The following NAV2 variants were observed in gnomAD, a reference collection of about 807,000 sequenced individuals.
The protein encoded by NAV2 is neuron navigator 2.
In NAV2, 54 loss-of-function variants were observed where a neutral mutation model predicts 223.2. The observed-to-expected ratio is 0.24, with a 90% CI of 0.19 to 0.30. NAV2 has a LOEUF of 0.30. Ranked by LOEUF, NAV2 falls within the 10% of genes least tolerant of loss-of-function variation. The pLI, the probability that NAV2 is intolerant of heterozygous loss-of-function variation, is 1.00. For missense variants in NAV2, 2,806 were observed against 3,147.5 expected, an observed-to-expected ratio of 0.89 and a Z score of 2.60; for synonymous variants, 1,279 against 1,239.3, an observed-to-expected ratio of 1.03 and a Z score of -0.67.
chr11:19,742,128 A>T (rs1432245492), intron 1 of NAV2, among the ~76,000 whole-genome samples: 6 of 152,102 alleles, frequency 3.9e-5, no homozygotes, highest in Non-Finnish European at 7.3e-5. Flanking sequence ...CTTGTCATAC[A>T]CCTGTTCTCC....
At chr11:19,407,665 TC>T in intron 1 of NAV2, among the ~76,000 whole-genome samples, 1 of 152,222 alleles carries the variant, frequency 6.6e-6, no homozygotes, top group East Asian at 1.9e-4. Flanking sequence ...GGACTTGTAT[TC>T]TTTAGAGAAT....
intron 1 of NAV2, among the ~76,000 whole-genome samples, chr11:19,682,380 A>G (rs956934436): frequency 6.6e-6 from 1 of 152,218 alleles, no homozygotes; most frequent in African/African-American, 2.4e-5. Context: ...AGAAGTTCGT[A>G]AACTGCCCAG....
rs1212734261 is a variant in NAV2 at position 19,712,846 on chromosome 11, T to C, written c.-850T>C. Among the ~76,000 whole-genome samples, 3 of 151,152 alleles carry C rather than the reference T, an allele frequency of 2.0e-5. No individual in the cohort carries two copies. Among genetic ancestry groups the C allele is most frequent in the African/African-American group, 7.3e-5 (3 of 41,280 alleles). On this transcript the variant is annotated 5_prime_UTR_variant, in exon 1 of 38. Coordinates refer to ENST00000349880, the MANE Select transcript of NAV2 (RefSeq NM_145117.5). ...GCGCCGGCAGCAGCCTGTCCTCCCC[T>C]GCGCTGAGCCCCGCAGCCAGCGCAG...
intron 1 of NAV2, among the ~76,000 whole-genome samples, chr11:19,378,303 T>C (rs975101059): frequency 6.6e-6 from 1 of 152,116 alleles, no homozygotes; most frequent in Non-Finnish European, 1.5e-5. Flanking sequence ...TCACGTCCAG[T>C]CGTCACCACC....
chr11:19,382,017 C>T (rs543315687), intron 1 of NAV2, among the ~76,000 whole-genome samples: 9 of 152,284 alleles, frequency 5.9e-5, no homozygotes, highest in African/African-American at 2.2e-4. Context: ...TCACTGGGGC[C>T]ATCACCACCT....
At chr11:19,553,310 T>A (rs1443645436) in intron 1 of NAV2, among the ~76,000 whole-genome samples, 2 of 152,220 alleles carry the variant, frequency 1.3e-5, no homozygotes, top group East Asian at 1.9e-4. Flanking sequence ...TTCTCACTTG[T>A]TAATTTCATC....
chr11:19,956,338 A>T (rs1008199085), intron 10 of NAV2, among the ~76,000 whole-genome samples: 1 of 151,668 alleles, frequency 6.6e-6, no homozygotes, highest in South Asian at 2.1e-4. Context: ...GCTCAGTTCC[A>T]CAAGATTACC....
At chr11:19,628,401 G>A (rs1017672876) in intron 1 of NAV2, among the ~76,000 whole-genome samples, 2 of 152,210 alleles carry the variant, frequency 1.3e-5, no homozygotes, top group Admixed American at 6.5e-5. Flanking sequence ...CAGAGGTGCC[G>A]GCCTGCCTCA....
chr11:19,649,251 G>A (rs2047899183), intron 1 of NAV2, among the ~76,000 whole-genome samples: 1 of 152,190 alleles, frequency 6.6e-6, no homozygotes, highest in Non-Finnish European at 1.5e-5. Context: ...CATCTGGTTA[G>A]TGGGCTAACA....
At chr11:19,436,542 A>T (rs1296416064) in intron 1 of NAV2, among the ~76,000 whole-genome samples, 1 of 152,008 alleles carries the variant, frequency 6.6e-6, no homozygotes, top group Admixed American at 6.6e-5. Context: ...TCCTTTGGTC[A>T]ATATTGCTTT....
At position 20,095,814 on chromosome 11, in the gene NAV2, A is replaced by T. The variant is rs770621376; in HGVS notation, c.6012+47A>T. 4.3e-6 allele frequency: 6 copies of T among 1,402,216 alleles called. No homozygotes were observed. The Admixed American group carries it at 1.0e-4, about 23-fold the overall frequency. The allele number at this position is 1,402,216 out of a possible 1,614,324, so 86.9% of individuals were successfully genotyped here. A position where few individuals can be genotyped will look rare whatever the true frequency, so the allele number is the denominator to read the frequency against. On this transcript the variant is annotated intron_variant, in intron 30 of 37. Coordinates refer to ENST00000349880, the MANE Select transcript of NAV2 (RefSeq NM_145117.5). ...CTACAGCATACTACCTAACATGGGC[A>T]TCCGGGCCTGGGGAGGAAAAGAGAG... is the stretch of plus-strand genomic sequence containing the variant.
intron 12 of NAV2, among the ~76,000 whole-genome samples, chr11:20,039,910 G>A (rs2056755068): frequency 1.3e-5 from 2 of 152,216 alleles, no homozygotes; most frequent in South Asian, 4.1e-4. Context: ...CTCTCTAGAT[G>A]TTGGCATGGA....
At chr11:19,939,996 TAAA>T (rs2046271961) in intron 8 of NAV2, among the ~76,000 whole-genome samples, 1 of 152,136 alleles carries the variant, frequency 6.6e-6, no homozygotes, top group African/African-American at 2.4e-5. Context: ...CCCAGAATCG[TAAA>T]CAAGTCTCTT....
intron 6 of NAV2, among the ~76,000 whole-genome samples, chr11:19,917,667 C>T (rs920099182): frequency 2.6e-5 from 4 of 152,336 alleles, no homozygotes; most frequent in South Asian, 2.1e-4. Context: ...GGCTGGAGTG[C>T]AGTGGCACGA....
At chr11:19,728,383 G>A (rs1559664) in intron 1 of NAV2, among the ~76,000 whole-genome samples, 14,588 of 152,252 alleles carry the variant, frequency 0.096, 2,263 homozygotes, top group African/African-American at 0.33. Flanking sequence ...CAGGCCTGGA[G>A]TGGCACTTTG....
intron 1 of NAV2, among the ~76,000 whole-genome samples, chr11:19,772,742 G>A (rs2152601966): frequency 6.6e-6 from 1 of 152,256 alleles, no homozygotes; most frequent in Admixed American, 6.5e-5. Context: ...GGGTGGAGAG[G>A]CGTCAGCCCA....
intron 22 of NAV2, among the ~76,000 whole-genome samples, chr11:20,070,607 G>T (rs2059340488): frequency 1.3e-5 from 2 of 152,128 alleles, no homozygotes; most frequent in Non-Finnish European, 2.9e-5. Context: ...CTGCTGGAAG[G>T]GTGAACATGT....
intron 6 of NAV2, among the ~76,000 whole-genome samples, chr11:19,899,392 G>A (rs1443717863): frequency 6.6e-5 from 10 of 152,156 alleles, no homozygotes; most frequent in South Asian, 2.1e-4. Context: ...AGTTGCCCAC[G>A]TCCTGCTATT....
At chr11:19,796,077 A>C (rs1009463939) in intron 1 of NAV2, among the ~76,000 whole-genome samples, 4 of 152,190 alleles carry the variant, frequency 2.6e-5, no homozygotes, top group Admixed American at 1.3e-4. Flanking sequence ...GAGCTTAAGG[A>C]GCTAAATAGT....
Sources: allele counts gnomAD v4.1 joint callset (sites outside exome capture counted in the v4.1 genomes callset), GRCh38; gene constraint gnomAD v4.1.1; transcripts MANE v1.5; gene names NCBI Gene and HGNC (gene_info 2026-07-23, HGNC 2026-07-21).